The following FGF13 variants were observed in gnomAD, a reference collection of about 807,000 sequenced individuals.
FGF13 encodes fibroblast growth factor 13.
In FGF13, 2 loss-of-function variants were observed where a neutral mutation model predicts 19.5. The ratio of observed to expected loss-of-function variants is 0.10; its 90% CI spans 0.04 to 0.32. FGF13 has a LOEUF of 0.32. Among genes scored for constraint, FGF13 ranks in the 10% least tolerant of loss-of-function variants. FGF13 has a pLI of 1.00. For synonymous variants in FGF13, 72 were observed against 76.9 expected (o/e 0.94, Z 0.33); for missense variants, 113 against 192.7 (o/e 0.59, Z 2.45).
intron 3 of FGF13, among the ~76,000 whole-genome samples, chrX:138,752,698 C>T (rs1164974979): frequency 8.9e-6 from 1 of 111,993 alleles, no homozygotes; most frequent in East Asian, 2.8e-4. Flanking sequence ...CACATTCAGA[C>T]ATAGGACTGT....
At chrX:139,060,975 A>G (rs1053975726) in intron 1 of FGF13, among the ~76,000 whole-genome samples, 3 of 111,186 alleles carry the variant, frequency 2.7e-5, no homozygotes, top group African/African-American at 9.8e-5. Context: ...TTTATAGACA[A>G]TGCAGCTTCT....
intron 1 of FGF13, among the ~76,000 whole-genome samples, chrX:138,941,084 T>C (rs771281855): frequency 4.5e-5 from 5 of 111,248 alleles, no homozygotes; most frequent in Admixed American, 2.9e-4. Context: ...GAACCATCTA[T>C]GACAAACCCA....
At chrX:139,198,882 C>T (rs1026079271) in intron 1 of FGF13, among the ~76,000 whole-genome samples, 7 of 111,639 alleles carry the variant, frequency 6.3e-5, no homozygotes, top group African/African-American at 2.0e-4. Context: ...ATGCATTTAC[C>T]GGGAAACCCA....
At chrX:138,714,868 C>G (rs956689427), upstream of FGF13, 4 of 111,802 alleles carry the variant, frequency 3.6e-5, no homozygotes, top group African/African-American at 1.3e-4. Context: ...TCTTTGCTGT[C>G]CCACTGCCAT....
intron 1 of FGF13, among the ~76,000 whole-genome samples, chrX:138,717,600 T>TTTG (rs761968816): frequency 1.3e-3 from 147 of 110,145 alleles, no homozygotes; most frequent in African/African-American, 4.5e-3. Context: ...TGCTAGTGTT[T>TTTG]TTGTTGTTGT....
intron 1 of FGF13, among the ~76,000 whole-genome samples, chrX:139,201,138 C>T (rs2084412085): frequency 8.9e-6 from 1 of 112,034 alleles, no homozygotes; most frequent in Non-Finnish European, 1.9e-5. Context: ...CCAAACAGAA[C>T]AGCCTATCTT....
At chrX:139,004,410 T>A (rs2092091466) in intron 1 of FGF13, among the ~76,000 whole-genome samples, 1 of 112,273 alleles carries the variant, frequency 8.9e-6, no homozygotes, top group South Asian at 3.7e-4. Context: ...CGCCTCTCCC[T>A]CCACACCTCC....
intron 1 of FGF13, among the ~76,000 whole-genome samples, chrX:138,914,366 C>T (rs997921489): frequency 1.8e-5 from 2 of 110,795 alleles, no homozygotes; most frequent in African/African-American, 6.6e-5. Context: ...TGCAGCTATC[C>T]CACACTGTAT....
chrX:138,924,886 G>A (rs1237661326), intron 1 of FGF13, among the ~76,000 whole-genome samples: 1 of 110,041 alleles, frequency 9.1e-6, no homozygotes, highest in Non-Finnish European at 1.9e-5. Context: ...GTATGAAGTG[G>A]TGAAGGGCAG....
At chrX:139,144,199 G>A (rs2083868828) in intron 1 of FGF13, among the ~76,000 whole-genome samples, 2 of 111,652 alleles carry the variant, frequency 1.8e-5, no homozygotes, top group African/African-American at 6.5e-5. Flanking sequence ...AGTGCCCATT[G>A]AGCAGGGAAG....
At chrX:138,638,476 G>A (rs914165799) in intron 3 of FGF13, among the ~76,000 whole-genome samples, 3 of 111,545 alleles carry the variant, frequency 2.7e-5, no homozygotes, top group African/African-American at 9.8e-5. Context: ...GATTACACCT[G>A]TTATCTGTGC....
chrX:138,639,372 G>A (rs1451543146), intron 3 of FGF13, among the ~76,000 whole-genome samples: 3 of 111,724 alleles, frequency 2.7e-5, no homozygotes, highest in Non-Finnish European at 5.6e-5. Context: ...AGCAATCACT[G>A]TGTTCTGGAT....
At chrX:138,708,724 T>G in intron 2 of FGF13, 94 bp downstream of exon 2, 1 of 586,043 alleles carries the variant, frequency 1.7e-6, no homozygotes, top group Non-Finnish European at 2.8e-6. Context: ...TGCATTTAAT[T>G]CAGGATTTAG....
At chrX:138,958,661 T>C (rs2091853654) in intron 1 of FGF13, among the ~76,000 whole-genome samples, 1 of 111,923 alleles carries the variant, frequency 8.9e-6, no homozygotes, top group South Asian at 3.7e-4. Flanking sequence ...TGGACTTTTT[T>C]TAGTTGGTAG....
At chrX:138,865,443 T>TCTCTCTC (rs2091313997) in intron 1 of FGF13, among the ~76,000 whole-genome samples, 4 of 100,845 alleles carry the variant, frequency 4.0e-5, no homozygotes, top group Middle Eastern at 4.8e-3. Context: ...TCTCTCTCTC[T>TCTCTCTC]CTCTCTCCTC....
intron 3 of FGF13, among the ~76,000 whole-genome samples, chrX:138,668,155 A>C (rs2089572488): frequency 9.0e-6 from 1 of 111,701 alleles, no homozygotes; most frequent in Admixed American, 9.5e-5. Flanking sequence ...ACACTGTAAA[A>C]TGCTGTGCAT....
chrX:138,957,905 T>C (rs1195324408), intron 1 of FGF13, among the ~76,000 whole-genome samples: 2 of 112,338 alleles, frequency 1.8e-5, no homozygotes, highest in African/African-American at 6.5e-5. Flanking sequence ...AAGTTGCTTA[T>C]CAGCTTAAGG....
At chrX:138,803,292 G>A (rs1357095191) in intron 3 of FGF13, among the ~76,000 whole-genome samples, 1 of 112,295 alleles carries the variant, frequency 8.9e-6, no homozygotes, top group Non-Finnish European at 1.9e-5. Context: ...GAAAGCACGT[G>A]AGGATGATTC....
chrX:138,903,419 AT>A (rs2091542050), intron 1 of FGF13, among the ~76,000 whole-genome samples: 1 of 111,729 alleles, frequency 9.0e-6, no homozygotes, highest in South Asian at 3.8e-4. Flanking sequence ...TATTCAAAGC[AT>A]CTTATTTTCA....
Sources: gnomAD v4.1 joint callset for allele counts (sites outside exome capture counted in the v4.1 genomes callset) on GRCh38, gnomAD v4.1.1 for gene constraint, MANE v1.5 for transcripts, NCBI Gene and HGNC (gene_info 2026-07-23, HGNC 2026-07-21) for gene names.